DAB2IP: variants seen among roughly 807,000 people sequenced by gnomAD.
The protein encoded by DAB2IP is DAB2 interacting protein.
A neutral mutation model predicts 107.2 loss-of-function variants in DAB2IP; 28 were observed. The observed-to-expected ratio is 0.26, with a 90% CI of 0.19 to 0.36. The LOEUF (loss-of-function observed/expected upper bound fraction) is 0.36, where lower values mean the gene tolerates loss of function less well. DAB2IP is among the 10% of genes least tolerant of loss of function. The probability of loss-of-function intolerance (pLI) is 1.00; values close to 1 mark genes in which losing one functional copy is unlikely to be tolerated. For synonymous variants in DAB2IP, 755 were observed against 706.4 expected (o/e 1.07, Z -1.09); for missense variants, 1,400 against 1,644.7 (o/e 0.85, Z 2.57).
rs1832098767 is a variant in DAB2IP, at chr9:121,636,646, T to TGGCCTGTGGGTGCATG, written c.41-42029_41-42014dup. On this transcript the variant is annotated intron_variant, in intron 1 of 16. Transcript: ENST00000259371. ...TGGTACGAGAGTGAGGTAAGCAGCTTGGCCTGTGGGTGCATGGGGCTGAGG... is the reference window on the plus strand; with the variant it reads ...TGGTACGAGAGTGAGGTAAGCAGCTTGGCCTGTGGGTGCATGGGCCTGTGGGTGCATGGGGCTGAGG... Among the ~76,000 whole-genome samples the TGGCCTGTGGGTGCATG allele has an allele frequency of 2.0e-5, 3 of 152,178 alleles. 1 individual carries two copies. Among genetic ancestry groups the TGGCCTGTGGGTGCATG allele is most frequent in the South Asian group, 4.1e-4 (2 of 4,820 alleles).
At chr9:121,650,552 G>C (rs1458297282), upstream of DAB2IP, among the ~76,000 whole-genome samples, 2 of 152,234 alleles carry the variant, frequency 1.3e-5, no homozygotes, top group African/African-American at 4.8e-5. Context: ...AGAGCCCCAG[G>C]CTAAGACCAC....
intron 3 of DAB2IP, among the ~76,000 whole-genome samples, chr9:121,741,500 T>G (rs1008051513): frequency 6.6e-6 from 1 of 152,088 alleles, no homozygotes; most frequent in Admixed American, 6.5e-5. Context: ...ACTTGCTTAG[T>G]CTGGGCTTGG....
intron 3 of DAB2IP, among the ~76,000 whole-genome samples, chr9:121,741,207 A>C (rs1012107077): frequency 1.3e-5 from 2 of 152,154 alleles, no homozygotes; most frequent in African/African-American, 4.8e-5. Flanking sequence ...AACCTTGTCA[A>C]ACCTTGGGGA....
rs79811084 is a variant in DAB2IP, at chr9:121,592,491, A to G, written c.40+25263A>G. ...GTCCATGTCACCAGGATAATATTAC[A>G]TTGTCCAGAGAGATCTGAACCAAAG... On this transcript the variant is annotated intron_variant, in intron 1 of 16. Transcript: ENST00000259371. 3.7e-3 allele frequency among the ~76,000 whole-genome samples: 568 copies of G among 152,346 alleles called. 3 individuals carry two copies. Among genetic ancestry groups the G allele is most frequent in the African/African-American group, 0.013 (545 of 41,574 alleles).
rs778677086 is a variant in DAB2IP, at chr9:121,768,653, G to A, written c.1899+20G>A. 1.8e-5 allele frequency: 29 copies of A among 1,611,948 alleles called. No homozygotes were observed. The highest frequency in any genetic ancestry group is 5.3e-5 in the African/African-American group (4 of 74,906). On this transcript the variant is annotated intron_variant, in intron 10 of 15. Transcript: ENST00000408936. ...GAGCAGGTGCCTGTTGCCGTGGGGC[G>A]GAGGTGGGGCCAAAAGCTGCCATCA...
intron 3 of DAB2IP, among the ~76,000 whole-genome samples, chr9:121,706,157 T>C (rs75003321): frequency 0.027 from 4,112 of 152,258 alleles, 175 homozygotes; most frequent in African/African-American, 0.089. Context: ...CTCTTGGCCA[T>C]CAGTGCATCC....
Position 121,772,727 on chromosome 9 carries a change from C to A in DAB2IP, c.2199C>A (p.Asn733Lys). The A allele has an allele frequency of 1.2e-6, 2 of 1,613,906 alleles. No individual in the cohort carries two copies. The highest frequency in any genetic ancestry group is 2.2e-5 in the East Asian group (1 of 44,904). ...GCAGCTCGAGTTACTCGGAAGCCAA[C>A]GAGCCTGATCTTCAGATGGCCAACG... The change falls in exon 12 of 16, where the codon AAC becomes AAA. Residue 733 changes from asparagine (N) to lysine (K), a missense_variant. Transcript: ENST00000408936. The surrounding 1 kb of genome is among the most constrained non-coding windows in gnomAD (Gnocchi z 4.7).
chr9:121,761,749 G>GC (rs1201184048), intron 6 of DAB2IP, among the ~76,000 whole-genome samples: 6 of 152,250 alleles, frequency 3.9e-5, no homozygotes, highest in African/African-American at 1.4e-4. Context: ...CGTTGGGCCA[G>GC]CTCTGGCTGC....
At chr9:121,677,775 C>T (rs1828339410) in intron 1 of DAB2IP, among the ~76,000 whole-genome samples, 2 of 152,054 alleles carry the variant, frequency 1.3e-5, no homozygotes, top group South Asian at 2.1e-4. Flanking sequence ...GATTCTCCCA[C>T]CTCAGCCTCC....
rs1446067641 is a variant in DAB2IP, at chr9:121,772,622, C to G, written c.2094C>G (p.Thr698=). 2 of 1,612,876 alleles carry G rather than the reference C, an allele frequency of 1.2e-6. No homozygotes were observed. The highest frequency in any genetic ancestry group is 1.7e-6 in the Non-Finnish European group (2 of 1,179,378). ...CTCCCTGCAGTCTGATAGATTTCAC[C>G]CGGTTACCGTCTCCAACCCCCGAAA... The change falls in exon 12 of 16, where the codon ACC becomes ACG. Residue 698 remains threonine, a synonymous_variant. Transcript: ENST00000408936. The surrounding 1 kb of genome is among the most constrained non-coding windows in gnomAD (Gnocchi z 4.7).
intron 3 of DAB2IP, among the ~76,000 whole-genome samples, chr9:121,739,435 G>A (rs946238604): frequency 4.2e-4 from 64 of 152,336 alleles, no homozygotes; most frequent in African/African-American, 1.3e-3. Flanking sequence ...TTTAAGGTGA[G>A]GAGTTCAGTA....
intron 1 of DAB2IP, among the ~76,000 whole-genome samples, chr9:121,572,176 G>A (rs534052450): frequency 1.2e-4 from 19 of 152,226 alleles, no homozygotes; most frequent in Middle Eastern, 3.4e-3. Flanking sequence ...GGTTCTTTTG[G>A]AGTCCTGCTA....
At chr9:121,678,642 T>C in intron 1 of DAB2IP, 36 bp from the exon 2 acceptor site, 2 of 1,461,068 alleles carry the variant, frequency 1.4e-6, no homozygotes, top group Non-Finnish European at 9.1e-7. Flanking sequence ...GCCTTGGCTG[T>C]TCTTGTTCAA....
chr9:121,645,533 T>C (rs1488771973), intron 1 of DAB2IP, among the ~76,000 whole-genome samples: 1 of 152,166 alleles, frequency 6.6e-6, no homozygotes, highest in Non-Finnish European at 1.5e-5. Flanking sequence ...CATGTGACCT[T>C]GGGTGAGTCG....
At chr9:121,689,610 C>T (rs2118679470) in intron 2 of DAB2IP, among the ~76,000 whole-genome samples, 1 of 151,116 alleles carries the variant, frequency 6.6e-6, no homozygotes. Flanking sequence ...AACAAGATAG[C>T]ATCTCTTTCC....
At chr9:121,574,421 G>A (rs1305312518) in intron 1 of DAB2IP, among the ~76,000 whole-genome samples, 1 of 152,122 alleles carries the variant, frequency 6.6e-6, no homozygotes, top group Non-Finnish European at 1.5e-5. Context: ...TCCTAGACCA[G>A]GCTGCCTGGG....
intron 3 of DAB2IP, among the ~76,000 whole-genome samples, chr9:121,713,940 C>G (rs760830647): frequency 2.6e-5 from 4 of 152,188 alleles, no homozygotes; most frequent in Non-Finnish European, 5.9e-5. Context: ...TGACTTCCTC[C>G]ATGATCTGGG....
intron 9 of DAB2IP, among the ~76,000 whole-genome samples, chr9:121,768,130 T>C (rs1475664678): frequency 1.3e-5 from 2 of 152,100 alleles, no homozygotes; most frequent in Non-Finnish European, 2.9e-5. Context: ...TTGAGCATCA[T>C]CTGCATACCA....
intron 3 of DAB2IP, among the ~76,000 whole-genome samples, chr9:121,732,958 T>C (rs1472773445): frequency 6.6e-6 from 1 of 152,216 alleles, no homozygotes; most frequent in African/African-American, 2.4e-5. Context: ...CACACAAGTA[T>C]AGATGTACTC....
Sources: allele counts gnomAD v4.1 joint callset (sites outside exome capture counted in the v4.1 genomes callset), GRCh38; gene constraint gnomAD v4.1.1; non-coding constraint Gnocchi (gnomAD v3.1); transcripts MANE v1.5; gene names NCBI Gene and HGNC (gene_info 2026-07-23, HGNC 2026-07-21).